FRAS1: variants seen among roughly 807,000 people sequenced by gnomAD.
The protein encoded by FRAS1 is Fraser extracellular matrix complex subunit 1.
A neutral mutation model predicts 435.2 loss-of-function variants in FRAS1; 290 were observed. The ratio of observed to expected loss-of-function variants is 0.67; its 90% CI spans 0.61 to 0.73. The LOEUF (loss-of-function observed/expected upper bound fraction) is 0.73, where lower values mean the gene tolerates loss of function less well. FRAS1 is among the 30% of genes least tolerant of loss of function. FRAS1 has a pLI of 0.00. For synonymous variants in FRAS1, 1,800 were observed against 1,851.0 expected, an observed-to-expected ratio of 0.97 and a Z score of 0.71; for missense variants, 4,860 against 5,001.5, an observed-to-expected ratio of 0.97 and a Z score of 0.85.
rs114467614 is a variant in FRAS1, at chr4:78,471,573, A to G, written c.7372-607A>G. 2.5e-3 allele frequency among the ~76,000 whole-genome samples: 378 copies of G among 152,318 alleles called. 2 individuals are homozygous for G. The highest frequency in any genetic ancestry group is 0.01 in the Middle Eastern group (3 of 294). On this transcript the variant is annotated intron_variant, in intron 51 of 73. Coordinates refer to ENST00000512123, the MANE Select transcript of FRAS1 (RefSeq NM_025074.7). The stretch of plus-strand genomic sequence containing the variant: ...ATTTTGCCAAATCCAGAGACCAATT[A>G]TCTGTCTTTACCTTACTAGACCTAA...
intron 59 of FRAS1, among the ~76,000 whole-genome samples, chr4:78,492,955 T>G (rs1720406626): frequency 6.6e-6 from 1 of 151,920 alleles, no homozygotes; most frequent in African/African-American, 2.4e-5. Flanking sequence ...TTAAACAAAT[T>G]TACAAGGAAA....
intron 2 of FRAS1, among the ~76,000 whole-genome samples, chr4:78,177,442 A>T (rs1721823229): frequency 2.0e-5 from 3 of 152,170 alleles, no homozygotes; most frequent in Non-Finnish European, 1.5e-5. Context: ...GCCATGGGCA[A>T]CTCATGAGCT....
intron 47 of FRAS1, among the ~76,000 whole-genome samples, chr4:78,458,140 TCCA>T (rs1454931355): frequency 1.3e-5 from 2 of 152,192 alleles, no homozygotes; most frequent in Admixed American, 6.5e-5. Context: ...CCAGGCTGCC[TCCA>T]GGGATGTGTG....
At position 78,363,941 on chromosome 4, in the gene FRAS1, G is replaced by A. The variant is rs747342042; in HGVS notation, c.2609G>A (p.Arg870Lys). Residue 870 changes from arginine (R) to lysine (K), a missense_variant, in exon 22 of 74, where the codon AGA (arginine) becomes AAA (lysine). Arg to Lys is a conservative substitution (Grantham distance 26). Coordinates refer to ENST00000512123, the MANE Select transcript of FRAS1 (RefSeq NM_025074.7). ...TCCTCCTGCAGAACCTGCCAGGGCAGAGGACCTTTCTCCTGCTCCTCATGT... is the reference window on the plus strand; with the variant it reads ...TCCTCCTGCAGAACCTGCCAGGGCAAAGGACCTTTCTCCTGCTCCTCATGT... ...CHSSCRTCQGRGPFSCSSCDT... is the reference protein window; with the variant it reads ...CHSSCRTCQGKGPFSCSSCDT... 1.2e-6 allele frequency: 2 copies of A among 1,613,430 alleles called. No homozygotes were observed. The highest frequency in any genetic ancestry group is 2.2e-5 in the South Asian group (2 of 90,814).
At chr4:78,294,236 G>A (rs1304316703) in intron 14 of FRAS1, among the ~76,000 whole-genome samples, 2 of 152,226 alleles carry the variant, frequency 1.3e-5, no homozygotes, top group Non-Finnish European at 2.9e-5. Flanking sequence ...GCAGCCAGGA[G>A]GTCTGAAAAC....
intron 2 of FRAS1, among the ~76,000 whole-genome samples, chr4:78,126,403 T>A (rs928548281): frequency 6.6e-6 from 1 of 152,234 alleles, no homozygotes; most frequent in South Asian, 2.1e-4. Flanking sequence ...CTCTGTGGGC[T>A]GCACCCACTG....
intron 29 of FRAS1, among the ~76,000 whole-genome samples, chr4:78,400,161 A>G (rs1732825029): frequency 6.6e-6 from 1 of 152,084 alleles, no homozygotes; most frequent in African/African-American, 2.4e-5. Context: ...TAGAAATCCA[A>G]TTTTTTTGTT....
At chr4:78,473,074 A>G (rs978759327) in intron 52 of FRAS1, among the ~76,000 whole-genome samples, 4 of 152,224 alleles carry the variant, frequency 2.6e-5, no homozygotes, top group African/African-American at 7.2e-5. Context: ...GTATGAGGCT[A>G]TAAACACAGA....
At chr4:78,101,050 C>G (rs1446879522) in intron 2 of FRAS1, among the ~76,000 whole-genome samples, 1 of 152,034 alleles carries the variant, frequency 6.6e-6, no homozygotes, top group East Asian at 1.9e-4. Context: ...TGCTGAAGGG[C>G]TTGGCTTCTG....
intron 61 of FRAS1, among the ~76,000 whole-genome samples, chr4:78,505,992 A>G (rs899448844): frequency 6.6e-6 from 1 of 152,178 alleles, no homozygotes; most frequent in Non-Finnish European, 1.5e-5. Flanking sequence ...CAGATCCCTC[A>G]GCTGCAGGTC....
intron 61 of FRAS1, among the ~76,000 whole-genome samples, chr4:78,500,568 A>G (rs565373277): frequency 2.0e-5 from 3 of 152,328 alleles, no homozygotes; most frequent in East Asian, 3.9e-4. Context: ...TCTAACTGGT[A>G]TAGATCCTGA....
chr4:78,456,167 G>A (rs62308116), intron 47 of FRAS1, among the ~76,000 whole-genome samples: 95,921 of 129,680 alleles, frequency 0.74, 35,631 homozygotes, highest in African/African-American at 0.81. Flanking sequence ...TTTTTGAGAC[G>A]GAGTCTCACT....
At chr4:78,319,773 C>G (rs1425780262) in intron 18 of FRAS1, 2 of 183,644 alleles carry the variant, frequency 1.1e-5, no homozygotes, top group African/African-American at 2.4e-5. Context: ...AGTTTTGTAT[C>G]CTACAAGTCT....
intron 2 of FRAS1, among the ~76,000 whole-genome samples, chr4:78,113,516 C>T (rs1247849378): frequency 6.6e-6 from 1 of 152,126 alleles, no homozygotes; most frequent in Non-Finnish European, 1.5e-5. Flanking sequence ...TAATGATCGC[C>T]ATTCTAACTG....
At chr4:78,393,817 G>A (rs535716798) in intron 29 of FRAS1, among the ~76,000 whole-genome samples, 1 of 152,120 alleles carries the variant, frequency 6.6e-6, no homozygotes, top group East Asian at 1.9e-4. Context: ...TTGTTTTTAA[G>A]TTTTTGAGGA....
At chr4:78,326,843 C>A (rs1035027530) in intron 18 of FRAS1, among the ~76,000 whole-genome samples, 5 of 152,096 alleles carry the variant, frequency 3.3e-5, no homozygotes, top group Non-Finnish European at 7.3e-5. Context: ...GATGCCAATG[C>A]TTTCATCCAT....
In FRAS1 at chr4:78,432,350, T is replaced by C. The variant is rs1734247316; in HGVS notation, c.4970-7T>C. 1 of 1,588,920 alleles carries C rather than the reference T, an allele frequency of 6.3e-7. No homozygotes were observed. Among genetic ancestry groups the C allele is most frequent in the African/African-American group, 1.3e-5 (1 of 74,480 alleles). The stretch of plus-strand genomic sequence containing the variant: ...AACTCGTTTGCAATTTGTTTTATTC[T>C]TGGAAGGTGACACTTTCACCTATGA... On this transcript the variant is annotated splice_polypyrimidine_tract_variant and splice_region_variant and intron_variant, in intron 37 of 73. Coordinates refer to ENST00000512123, the MANE Select transcript of FRAS1 (RefSeq NM_025074.7).
rs774063613 is a variant in FRAS1 at position 78,282,869 on chromosome 4, G to C, written c.1157G>C (p.Gly386Ala). 2 of 1,612,954 alleles carry C rather than the reference G, an allele frequency of 1.2e-6. No homozygotes were observed. The highest frequency in any genetic ancestry group is 1.7e-6 in the Non-Finnish European group (2 of 1,179,666). The part of the protein sequence containing the change: ...DGPCKVCECR[G>A]AQVTCYEPSC... ...CCTTGCAAGGTGTGTGAGTGCCGAGGGGCTCAGGTAACTTGCTACGAGCCC... is the reference window on the plus strand; with the variant it reads ...CCTTGCAAGGTGTGTGAGTGCCGAGCGGCTCAGGTAACTTGCTACGAGCCC... The change falls in exon 12 of 74, where the codon GGG (glycine) becomes GCG (alanine). Residue 386 changes from glycine (G) to alanine (A), a missense_variant. Coordinates refer to ENST00000512123, the MANE Select transcript of FRAS1 (RefSeq NM_025074.7).
chr4:78,114,055 A>G (rs1173203284), intron 2 of FRAS1, among the ~76,000 whole-genome samples: 1 of 152,198 alleles, frequency 6.6e-6, no homozygotes, highest in East Asian at 1.9e-4. Flanking sequence ...ATGGCTAGCC[A>G]GTTTTCCCAG....
Sources: gnomAD v4.1 joint callset for allele counts (sites outside exome capture counted in the v4.1 genomes callset) on GRCh38, gnomAD v4.1.1 for gene constraint, MANE v1.5 for transcripts, NCBI Gene and HGNC (gene_info 2026-07-23, HGNC 2026-07-21) for gene names.